Variants in AGBL4 observed in about 807,000 individuals in gnomAD.
AGBL4 encodes AGBL carboxypeptidase 4.
Under a neutral mutation model 66.4 loss-of-function variants are expected in AGBL4, and 58 were observed. That is an observed-to-expected ratio of 0.87 (90% CI 0.71 to 1.09). The LOEUF is 1.09. Ranked by LOEUF, AGBL4 falls within the 50% of genes least tolerant of loss-of-function variation. The probability of loss-of-function intolerance (pLI) is 0.00; values close to 1 mark genes in which losing one functional copy is unlikely to be tolerated. For synonymous variants in AGBL4, 234 were observed against 222.9 expected (o/e 1.05, Z -0.44); for missense variants, 579 against 631.0 (o/e 0.92, Z 0.88).
rs1466976648 is a variant in AGBL4 at position 49,655,680 on chromosome 1, A to G, written c.282+41633T>C. Among the ~76,000 whole-genome samples, 3 of 152,222 alleles carry G rather than the reference A, an allele frequency of 2.0e-5. No homozygotes were observed. In the East Asian group the frequency reaches 5.8e-4, roughly 29 times the overall value. ...AGAGCAAACACATTCAACAGCTAGC[A>G]GAAGGCAAGAAATAACTAAGATCAG... On this transcript the variant is annotated intron_variant, in intron 3 of 13. Coordinates refer to ENST00000371839, the MANE Select transcript of AGBL4 (RefSeq NM_032785.4).
At chr1:49,321,880 G>T (rs1029659237) in intron 3 of AGBL4, among the ~76,000 whole-genome samples, 37 of 152,214 alleles carry the variant, frequency 2.4e-4, no homozygotes, top group African/African-American at 8.9e-4. Context: ...CTTCTGCACT[G>T]AAGCGTTTAA....
intron 5 of AGBL4, among the ~76,000 whole-genome samples, chr1:49,009,398 C>T (rs1168488043): frequency 6.7e-6 from 1 of 150,016 alleles, no homozygotes. Context: ...AGCTTACCAA[C>T]CAAAAAGAGT....
intron 6 of AGBL4, among the ~76,000 whole-genome samples, chr1:48,858,167 A>T (rs2148816005): frequency 6.6e-6 from 1 of 152,352 alleles, no homozygotes; most frequent in Admixed American, 6.5e-5. Flanking sequence ...TGTAATAAAA[A>T]GATAGATAAT....
At chr1:49,067,198 G>A (rs778391872) in intron 4 of AGBL4, among the ~76,000 whole-genome samples, 3 of 152,180 alleles carry the variant, frequency 2.0e-5, no homozygotes, top group Non-Finnish European at 4.4e-5. Context: ...AGATGATTAA[G>A]AGCTCACCAA....
At chr1:49,628,319 C>G (rs1645503605) in intron 3 of AGBL4, among the ~76,000 whole-genome samples, 2 of 152,128 alleles carry the variant, frequency 1.3e-5, no homozygotes, top group African/African-American at 2.4e-5. Flanking sequence ...TTCACACAAC[C>G]TGGACCTGCC....
rs373241289 is a variant in AGBL4 at position 49,131,368 on chromosome 1, G to C, written c.378-85568C>G. Among the ~76,000 whole-genome samples the C allele has an allele frequency of 3.3e-5, 5 of 151,986 alleles. No individual in the cohort carries two copies. The East Asian group carries it at 5.8e-4, about 18-fold the overall frequency. ...AATTCGTTGATCACTACCCTTAAAA[G>C]GTATGAAATTTATTGTACAGAAATT... On this transcript the variant is annotated intron_variant, in intron 4 of 13. Coordinates refer to ENST00000371839, the MANE Select transcript of AGBL4 (RefSeq NM_032785.4).
chr1:49,842,456 T>C (rs750571904), intron 2 of AGBL4: 1 of 911,438 alleles, frequency 1.1e-6, no homozygotes, highest in East Asian at 9.5e-5. Flanking sequence ...TCTGTCTGCA[T>C]GTGCTCTCTA....
At chr1:48,622,515 G>C (rs1645432303) in intron 9 of AGBL4, among the ~76,000 whole-genome samples, 2 of 110,636 alleles carry the variant, frequency 1.8e-5, no homozygotes, top group South Asian at 5.8e-4. Context: ...ATGGAGTCTT[G>C]CTCTGTCACC....
chr1:49,733,415 A>G (rs1381799875), intron 2 of AGBL4, among the ~76,000 whole-genome samples: 2 of 152,214 alleles, frequency 1.3e-5, no homozygotes, highest in Non-Finnish European at 2.9e-5. Context: ...AAAAGGCACA[A>G]TATCGTATAA....
chr1:48,549,555 G>A (rs1037327667), intron 11 of AGBL4, among the ~76,000 whole-genome samples: 3 of 152,070 alleles, frequency 2.0e-5, no homozygotes, highest in South Asian at 2.1e-4. Flanking sequence ...GAGAGGAAGA[G>A]ACAAAGAGGC....
chr1:48,884,412 TG>T (rs1223520198), intron 5 of AGBL4, among the ~76,000 whole-genome samples: 1 of 151,902 alleles, frequency 6.6e-6, no homozygotes, highest in African/African-American at 2.4e-5. Context: ...TTTCCTATAT[TG>T]CACTTCTAAG....
intron 3 of AGBL4, among the ~76,000 whole-genome samples, chr1:49,595,392 T>C (rs527319590): frequency 2.0e-5 from 3 of 152,318 alleles, no homozygotes; most frequent in South Asian, 2.1e-4. Context: ...CCTGGCCTCA[T>C]TGTGGTTTTG....
intron 2 of AGBL4, among the ~76,000 whole-genome samples, chr1:49,728,872 G>A (rs960710338): frequency 2.0e-5 from 3 of 152,158 alleles, no homozygotes; most frequent in Non-Finnish European, 2.9e-5. Context: ...AAATGAAACC[G>A]TTCTAAAACA....
chr1:49,612,724 A>G (rs181593033), intron 3 of AGBL4, among the ~76,000 whole-genome samples: 9 of 152,338 alleles, frequency 5.9e-5, no homozygotes, highest in Admixed American at 1.3e-4. Flanking sequence ...AAAGTCATAA[A>G]ATAACAGATG....
chr1:49,416,751 A>G (rs181357383), intron 3 of AGBL4, among the ~76,000 whole-genome samples: 1 of 152,224 alleles, frequency 6.6e-6, no homozygotes, highest in East Asian at 1.9e-4. Context: ...TATAAAGTGT[A>G]TATATTAGTT....
At chr1:48,930,554 AG>A (rs1163513638) in intron 5 of AGBL4, among the ~76,000 whole-genome samples, 1 of 152,214 alleles carries the variant, frequency 6.6e-6, no homozygotes, top group Non-Finnish European at 1.5e-5. Context: ...CAGTTACTTT[AG>A]GATGAAGAAT....
At chr1:48,607,051 A>G (rs1465406632) in intron 9 of AGBL4, among the ~76,000 whole-genome samples, 3 of 152,294 alleles carry the variant, frequency 2.0e-5, no homozygotes, top group African/African-American at 7.2e-5. Flanking sequence ...CCAAGCTGAC[A>G]TGGGTTAAAT....
chr1:48,638,995 G>A (rs1463902331), intron 8 of AGBL4, among the ~76,000 whole-genome samples: 1 of 152,170 alleles, frequency 6.6e-6, no homozygotes, highest in East Asian at 1.9e-4. Flanking sequence ...GAACTCAGGT[G>A]TCCCGTTCTG....
chr1:49,353,028 CT>C (rs1643942883), intron 3 of AGBL4, among the ~76,000 whole-genome samples: 1 of 152,062 alleles, frequency 6.6e-6, no homozygotes, highest in African/African-American at 2.4e-5. Flanking sequence ...TGCATTCAAA[CT>C]AGTTTAAGTA....
Sources: gnomAD v4.1 joint callset for allele counts (sites outside exome capture counted in the v4.1 genomes callset) on GRCh38, gnomAD v4.1.1 for gene constraint, MANE v1.5 for transcripts, NCBI Gene and HGNC (gene_info 2026-07-23, HGNC 2026-07-21) for gene names.